OTOF: variants seen among roughly 807,000 people sequenced by gnomAD.
OTOF encodes the protein fer-1-like family member 2.
A neutral mutation model predicts 236.8 loss-of-function variants in OTOF; 218 were observed. The observed-to-expected ratio is 0.92, with a 90% CI of 0.82 to 1.03. The LOEUF is 1.03. Ranked by LOEUF, OTOF falls within the 50% of genes least tolerant of loss-of-function variation. The probability of loss-of-function intolerance (pLI) is 0.00; values close to 1 mark genes in which losing one functional copy is unlikely to be tolerated. For synonymous variants in OTOF, 1,041 were observed against 1,072.5 expected (o/e 0.97, Z 0.57); for missense variants, 2,590 against 2,694.4 (o/e 0.96, Z 0.86).
At chr2:26,474,460 C>T in intron 26 of OTOF, 53 bp downstream of exon 26, 1 of 1,516,762 alleles carries the variant, frequency 6.6e-7, no homozygotes, top group Non-Finnish European at 8.9e-7. Context: ...CCCTAGGCCC[C>T]AACTCCCAGC....
At chr2:26,459,510 C>T (rs1030231675) in intron 46 of OTOF, among the ~76,000 whole-genome samples, 1 of 149,320 alleles carries the variant, frequency 6.7e-6, no homozygotes, top group Non-Finnish European at 1.5e-5. Context: ...CAAGATTGTG[C>T]CACTGCACTC....
chr2:26,469,995 C>A (rs1030554484), intron 32 of OTOF, among the ~76,000 whole-genome samples: 2 of 152,222 alleles, frequency 1.3e-5, no homozygotes, highest in Non-Finnish European at 2.9e-5. Flanking sequence ...CTGGAACTTG[C>A]AATCTGGCCA....
intron 4 of OTOF, 33 bp downstream of exon 4, chr2:26,518,977 G>A: frequency 6.7e-7 from 1 of 1,495,130 alleles, no homozygotes; most frequent in Non-Finnish European, 9.3e-7. Context: ...GCCCCATATG[G>A]GAAAGTCCAG....
intron 8 of OTOF, 118 bp downstream of exon 8, chr2:26,501,636 T>C: frequency 1.3e-6 from 1 of 748,928 alleles, no homozygotes; most frequent in Admixed American, 2.0e-5. Flanking sequence ...TATATTCAGC[T>C]TGTTGTTCTC....
chr2:26,472,895 G>A (rs891989018), intron 29 of OTOF, among the ~76,000 whole-genome samples: 12 of 152,172 alleles, frequency 7.9e-5, no homozygotes, highest in African/African-American at 2.9e-4. Flanking sequence ...ATCAACCAGC[G>A]CAAGGGGCTT....
rs138064838 is a variant in OTOF at position 26,547,429 on chromosome 2, T to G, written c.80-9655A>C. Among the ~76,000 whole-genome samples the G allele has an allele frequency of 6.2e-3, 947 of 152,360 alleles. 4 individuals carry two copies. The highest frequency in any genetic ancestry group is 0.011 in the Non-Finnish European group (758 of 68,032). ...GAGAGATATTGGGCTGTAATTTTCT[T>G]TTTGTGTAAGGTCTTTGTCAGGTTT... On this transcript the variant is annotated intron_variant, in intron 1 of 46. Transcript: ENST00000272371.
intron 1 of OTOF, among the ~76,000 whole-genome samples, chr2:26,546,232 T>C (rs13413926): frequency 6.6e-6 from 1 of 151,776 alleles, no homozygotes; most frequent in Non-Finnish European, 1.5e-5. Context: ...AGGCCGAGGC[T>C]GGTGGATCAC....
In OTOF at chr2:26,473,314, A is replaced by C; in HGVS notation, c.3571-20T>G. On this transcript the variant is annotated intron_variant, in intron 28 of 46. Transcript: ENST00000272371. This position sits in a 1 kb window ranked among gnomAD's most constrained non-coding sequence, Gnocchi z 7.2. ...GAGGTCCTGGGGTGTTGGCGACAGG[A>C]GCCTGAGCCTCCAAGAAGGGGCAGA... is the stretch of plus-strand genomic sequence containing the variant. The C allele has an allele frequency of 6.2e-7, 1 of 1,613,150 alleles. No individual in the cohort carries two copies. Among genetic ancestry groups the C allele is most frequent in the Non-Finnish European group, 8.5e-7 (1 of 1,179,862 alleles).
At chr2:26,493,727 AAAC>A (rs1332899626) in intron 9 of OTOF, among the ~76,000 whole-genome samples, 2 of 152,314 alleles carry the variant, frequency 1.3e-5, no homozygotes, top group South Asian at 4.2e-4. Context: ...TGGGAAATCG[AAAC>A]TTAAGTGGGG....
intron 1 of OTOF, among the ~76,000 whole-genome samples, chr2:26,546,855 T>A (rs1392031295): frequency 6.6e-6 from 1 of 152,086 alleles, no homozygotes; most frequent in Non-Finnish European, 1.5e-5. Flanking sequence ...TAATCATATA[T>A]CCTGAAAACT....
At chr2:26,539,995 G>A (rs1434535415) in intron 1 of OTOF, among the ~76,000 whole-genome samples, 1 of 152,160 alleles carries the variant, frequency 6.6e-6, no homozygotes, top group Non-Finnish European at 1.5e-5. Context: ...GTGCAGTAGT[G>A]TAATCTTGGC....
Position 26,480,954 on chromosome 2 carries a change from G to A in OTOF, c.1635C>T (p.Asn545=). ...AWVNMYGSTR[N]YTLLDEHQDL... ...CCTGATGCTCATCCAGCAGCGTGTAGTTACGTGTGGAGCCGTACATGTTCA... is the reference window on the plus strand; with the variant it reads ...CCTGATGCTCATCCAGCAGCGTGTAATTACGTGTGGAGCCGTACATGTTCA... The change falls in exon 15 of 47, where the codon AAC becomes AAT. Residue 545 remains asparagine, a synonymous_variant. Coordinates refer to ENST00000272371, the MANE Select transcript of OTOF (RefSeq NM_194248.3). The A allele has an allele frequency of 6.2e-7, 1 of 1,613,048 alleles. No homozygotes were observed. Among genetic ancestry groups the A allele is most frequent in the African/African-American group, 1.3e-5 (1 of 75,064 alleles).
chr2:26,548,133 T>A (rs1667377408), intron 1 of OTOF, among the ~76,000 whole-genome samples: 1 of 152,226 alleles, frequency 6.6e-6, no homozygotes, highest in Non-Finnish European at 1.5e-5. Flanking sequence ...CTTTTATTCC[T>A]GATATTGGTA....
At chr2:26,530,885 G>A (rs1165700460) in intron 2 of OTOF, among the ~76,000 whole-genome samples, 4 of 152,178 alleles carry the variant, frequency 2.6e-5, no homozygotes, top group South Asian at 2.1e-4. Flanking sequence ...GTGGGGCCTC[G>A]GAGGGTGACG....
chr2:26,544,297 A>T (rs1422505363), intron 1 of OTOF, among the ~76,000 whole-genome samples: 1 of 152,248 alleles, frequency 6.6e-6, no homozygotes, highest in Non-Finnish European at 1.5e-5. Context: ...AAGACATAGA[A>T]CATTTCCATT....
chr2:26,476,106 C>A (rs746918822), intron 23 of OTOF, 22 bp downstream of exon 23: 2 of 1,611,024 alleles, frequency 1.2e-6, no homozygotes, highest in Non-Finnish European at 1.7e-6. Flanking sequence ...GGTGAGGCTT[C>A]GAGTGAGGGG....
chr2:26,522,971 G>A (rs767604495), intron 3 of OTOF, among the ~76,000 whole-genome samples: 6 of 152,228 alleles, frequency 3.9e-5, no homozygotes, highest in Admixed American at 1.3e-4. Context: ...GTAATTAGCC[G>A]GCAGGAAAAG....
intron 5 of OTOF, among the ~76,000 whole-genome samples, chr2:26,509,875 G>A (rs1558506170): frequency 6.6e-6 from 1 of 152,098 alleles, no homozygotes; most frequent in East Asian, 1.9e-4. Flanking sequence ...CTGTCTTCTG[G>A]TTCCAGCTCT....
chr2:26,522,608 C>A (rs1666704326), intron 3 of OTOF, among the ~76,000 whole-genome samples: 1 of 152,186 alleles, frequency 6.6e-6, no homozygotes, highest in South Asian at 2.1e-4. Context: ...GAGTGGGGCC[C>A]AGGACGATTG....
Sources: gnomAD v4.1 joint callset for allele counts (sites outside exome capture counted in the v4.1 genomes callset) on GRCh38, gnomAD v4.1.1 for gene constraint, Gnocchi (gnomAD v3.1) non-coding constraint, MANE v1.5 for transcripts, NCBI Gene and HGNC (gene_info 2026-07-23, HGNC 2026-07-21) for gene names.